Variants in DENND1B observed in about 807,000 individuals in gnomAD.
DENND1B encodes DENN domain-containing protein 1B.
A neutral mutation model predicts 90.1 loss-of-function variants in DENND1B; 59 were observed. That is an observed-to-expected ratio of 0.65 (90% CI 0.53 to 0.81). The LOEUF (loss-of-function observed/expected upper bound fraction) is 0.81, where lower values mean the gene tolerates loss of function less well. Ranked by LOEUF, DENND1B falls within the 40% of genes least tolerant of loss-of-function variation. The pLI, the probability that DENND1B is intolerant of heterozygous loss-of-function variation, is 0.00. For missense variants in DENND1B, 862 were observed against 912.6 expected (o/e 0.94, Z 0.71); for synonymous variants, 337 against 324.6 (o/e 1.04, Z -0.41).
intron 3 of DENND1B, among the ~76,000 whole-genome samples, chr1:197,707,875 C>A (rs1367922703): frequency 6.7e-6 from 1 of 148,220 alleles, no homozygotes; most frequent in Non-Finnish European, 1.5e-5. Flanking sequence ...GTGTGCGCAC[C>A]GTGCGCGAGC....
chr1:197,523,757 G>A (rs967875549), intron 20 of DENND1B, among the ~76,000 whole-genome samples: 1 of 152,124 alleles, frequency 6.6e-6, no homozygotes, highest in Non-Finnish European at 1.5e-5. Context: ...CATGATAGAA[G>A]AAGAGCCTGC....
chr1:197,656,698 G>T (rs1653865858), intron 6 of DENND1B, among the ~76,000 whole-genome samples: 2 of 151,946 alleles, frequency 1.3e-5, no homozygotes, highest in African/African-American at 2.4e-5. Context: ...AGCTAATTGG[G>T]AGACTGAGGT....
chr1:197,684,752 G>C (rs1014879035), intron 3 of DENND1B, among the ~76,000 whole-genome samples: 1 of 152,110 alleles, frequency 6.6e-6, no homozygotes, highest in African/African-American at 2.4e-5. Context: ...TCAAGTAATA[G>C]ACTTATAAAT....
At chr1:197,627,641 C>T (rs1252056714) in intron 10 of DENND1B, among the ~76,000 whole-genome samples, 1 of 151,976 alleles carries the variant, frequency 6.6e-6, no homozygotes, top group Non-Finnish European at 1.5e-5. Flanking sequence ...CCCTCTCTCA[C>T]CACTCCTATT....
At chr1:197,709,917 G>A (rs1216709317) in intron 3 of DENND1B, among the ~76,000 whole-genome samples, 1 of 107,100 alleles carries the variant, frequency 9.3e-6, no homozygotes, top group South Asian at 3.7e-4. Context: ...AAAAAAGGCA[G>A]GGGTTGCAAT....
intron 2 of DENND1B, among the ~76,000 whole-genome samples, chr1:197,719,771 T>C (rs1660985413): frequency 6.6e-6 from 1 of 152,148 alleles, no homozygotes; most frequent in Non-Finnish European, 1.5e-5. Context: ...GAATTACGTA[T>C]CTAAAGCTAA....
chr1:197,545,119 T>C (rs986862057), intron 18 of DENND1B, among the ~76,000 whole-genome samples: 17 of 151,572 alleles, frequency 1.1e-4, no homozygotes, highest in Admixed American at 7.9e-4. Flanking sequence ...AGAATTTCTG[T>C]TGGGGCTGGG....
rs747122538 is a variant in DENND1B, at chr1:197,736,348, CTCTA to C, written c.83-21278_83-21275del. 5.9e-3 allele frequency among the ~76,000 whole-genome samples: 896 copies of C among 152,056 alleles called. 6 individuals carry two copies. The highest frequency in any genetic ancestry group is 8.4e-3 in the Non-Finnish European group (573 of 67,964). On this transcript the variant is annotated intron_variant, in intron 2 of 22. Coordinates refer to ENST00000620048, the MANE Select transcript of DENND1B (RefSeq NM_001195215.2). The stretch of plus-strand genomic sequence containing the variant: ...ATTCTTTCTACCTGTCTGTCTGTCT[CTCTA>C]TCTATCTATCTATCGAGACAGGATC...
At chr1:197,550,725 C>T (rs1000172707) in intron 16 of DENND1B, among the ~76,000 whole-genome samples, 14 of 151,256 alleles carry the variant, frequency 9.3e-5, no homozygotes, top group African/African-American at 2.7e-4. Context: ...TGACGAGTTA[C>T]TGGGTGCAGC....
chr1:197,733,317 T>C (rs1662323461), intron 2 of DENND1B, among the ~76,000 whole-genome samples: 1 of 152,134 alleles, frequency 6.6e-6, no homozygotes. Context: ...ACCTCAAGTA[T>C]CCACCCCTGA....
intron 20 of DENND1B, among the ~76,000 whole-genome samples, chr1:197,518,885 AT>A (rs997262201): frequency 5.9e-5 from 9 of 152,026 alleles, no homozygotes; most frequent in African/African-American, 2.2e-4. Context: ...GGCAAAAAAA[AT>A]ATTGCTATCC....
chr1:197,645,529 A>G (rs1680651890), intron 9 of DENND1B, among the ~76,000 whole-genome samples, 161 bp downstream of exon 9: 1 of 151,988 alleles, frequency 6.6e-6, no homozygotes. Context: ...TAAAGAAGAA[A>G]AGAAAATAAT....
At chr1:197,622,043 G>A (rs944981096) in intron 10 of DENND1B, among the ~76,000 whole-genome samples, 2 of 151,254 alleles carry the variant, frequency 1.3e-5, no homozygotes, top group African/African-American at 4.8e-5. Context: ...CATGAGAAGG[G>A]ACAAGAACTA....
chr1:197,731,063 C>A (rs1279478133), intron 2 of DENND1B, among the ~76,000 whole-genome samples: 1 of 151,980 alleles, frequency 6.6e-6, no homozygotes, highest in East Asian at 1.9e-4. Flanking sequence ...AGGATACTGG[C>A]TACTAGAAAG....
rs773224654 is a variant in DENND1B, at chr1:197,510,826, A to G, written c.1962T>C (p.Ser654=). 1 of 1,612,062 alleles carries G rather than the reference A, an allele frequency of 6.2e-7. No individual in the cohort carries two copies. The highest frequency in any genetic ancestry group is 8.5e-7 in the Non-Finnish European group (1 of 1,179,000). The change falls in exon 23 of 23, where the codon AGT becomes AGC. Residue 654 remains serine (S), a synonymous_variant. Coordinates refer to ENST00000620048, the MANE Select transcript of DENND1B (RefSeq NM_001195215.2). The part of the protein sequence containing the change: ...PPSPRKRVSS[S]GLTDSLFILK... Reference sequence around the variant, plus strand: ...GGATAAACAGAGAATCTGTCAAACCACTAGAGGAAACCCGCTTCCTAGGAG... The same window carrying G: ...GGATAAACAGAGAATCTGTCAAACCGCTAGAGGAAACCCGCTTCCTAGGAG...
chr1:197,563,804 A>G (rs902423608), intron 15 of DENND1B, among the ~76,000 whole-genome samples: 1 of 151,990 alleles, frequency 6.6e-6, no homozygotes, highest in African/African-American at 2.4e-5. Context: ...CATTCTAGAT[A>G]TCATTAAGAA....
intron 16 of DENND1B, chr1:197,552,528 C>T (rs1671326605): frequency 1.0e-6 from 1 of 985,552 alleles, no homozygotes; most frequent in South Asian, 4.7e-5. Context: ...CTTAATGCTG[C>T]AGTGATCTAT....
At chr1:197,721,451 A>C (rs551563614) in intron 2 of DENND1B, among the ~76,000 whole-genome samples, 1 of 152,188 alleles carries the variant, frequency 6.6e-6, no homozygotes, top group South Asian at 2.1e-4. Context: ...AACAGCATGG[A>C]CTATGTATCT....
At chr1:197,729,318 A>G (rs377123671) in intron 2 of DENND1B, among the ~76,000 whole-genome samples, 1 of 152,184 alleles carries the variant, frequency 6.6e-6, no homozygotes, top group African/African-American at 2.4e-5. Flanking sequence ...CAATGGATAT[A>G]TATAATGCAA....
Sources: gnomAD v4.1 joint callset for allele counts (sites outside exome capture counted in the v4.1 genomes callset) on GRCh38, gnomAD v4.1.1 for gene constraint, MANE v1.5 for transcripts, NCBI Gene and HGNC (gene_info 2026-07-23, HGNC 2026-07-21) for gene names.